The following C7orf57 variants were observed in gnomAD, a reference collection of about 807,000 sequenced individuals.
C7orf57 encodes the protein chromosome 7 open reading frame 57, also known as uncharacterized protein C7orf57.
Under a neutral mutation model 39.0 loss-of-function variants are expected in C7orf57, and 33 were observed. The observed-to-expected ratio is 0.85, with a 90% CI of 0.64 to 1.13. C7orf57 has a LOEUF of 1.13. Ranked by LOEUF, C7orf57 falls within the 50% of genes most tolerant of loss-of-function variation. C7orf57 has a pLI of 0.00. For synonymous variants in C7orf57, 124 were observed against 137.1 expected, an observed-to-expected ratio of 0.90 and a Z score of 0.67; for missense variants, 346 against 362.3, an observed-to-expected ratio of 0.95 and a Z score of 0.37.
intron 8 of C7orf57, among the ~76,000 whole-genome samples, chr7:48,054,851 T>C (rs1200746286): frequency 2.0e-5 from 3 of 151,210 alleles, no homozygotes; most frequent in Non-Finnish European, 4.4e-5. Context: ...ATGAAGATGA[T>C]GATGATGATG....
In C7orf57 at chr7:48,043,521, T is replaced by C; in HGVS notation, c.282T>C (p.Ser94=). ...KHFAPGTRKG[S]PVAYSLPDWY... ...TTGCCCCTGGAACCAGGAAAGGCTC[T>C]CCAGTGGCCTACTCCCTGCCAGACT... Residue 94 remains serine (S), a synonymous_variant, in exon 4 of 9, where the codon TCT becomes TCC. Transcript: ENST00000348904. 1 of 1,613,880 alleles carries C rather than the reference T, an allele frequency of 6.2e-7. No individual in the cohort carries two copies. The highest frequency in any genetic ancestry group is 8.5e-7 in the Non-Finnish European group (1 of 1,179,860).
In C7orf57 at chr7:48,041,497, C is replaced by A. The variant is rs777963522; in HGVS notation, c.219C>A (p.Leu73=). 3.1e-6 allele frequency: 5 copies of A among 1,609,960 alleles called. No individual in the cohort carries two copies. The African/African-American group carries it at 5.3e-5, about 17-fold the overall frequency. The change falls in exon 3 of 9, where the codon CTC becomes CTA. Residue 73 remains leucine (L), a synonymous_variant. Coordinates refer to ENST00000348904, the MANE Select transcript of C7orf57 (RefSeq NM_001100159.3). ...AAACAGATTCGGAATATGTGAAGCT[C>A]GCGAAACAAGGTGGCAGGCCCGGTG... ...IKETDSEYVK[L]AKQGGRPDLL...
chr7:48,038,383 T>TATAGATAG (rs67831054), intron 2 of C7orf57, among the ~76,000 whole-genome samples: 11,240 of 150,184 alleles, frequency 0.075, 475 homozygotes, highest in Non-Finnish European at 0.083. Context: ...TCTATATACA[T>TATAGATAG]ATAGATAGAT....
At chr7:48,058,870 A>G (rs954255912) in intron 8 of C7orf57, among the ~76,000 whole-genome samples, 11 of 152,254 alleles carry the variant, frequency 7.2e-5, no homozygotes, top group African/African-American at 2.7e-4. Context: ...TGGCATTCAT[A>G]TAAATGTATA....
intron 8 of C7orf57, among the ~76,000 whole-genome samples, chr7:48,059,805 A>G (rs1245993033): frequency 6.6e-6 from 1 of 152,218 alleles, no homozygotes; most frequent in African/African-American, 2.4e-5. Context: ...GAGGGTCAAC[A>G]TTAATGAAGA....
chr7:48,046,297 G>A (rs1790709672), intron 4 of C7orf57, among the ~76,000 whole-genome samples, 163 bp from the exon 5 acceptor site: 1 of 151,718 alleles, frequency 6.6e-6, no homozygotes. Context: ...AGGAGAGGGA[G>A]AGAGAGGGAG....
chr7:48,049,818 T>C, intron 5 of C7orf57, 62 bp from the exon 6 acceptor site: 3 of 1,317,518 alleles, frequency 2.3e-6, no homozygotes, highest in Non-Finnish European at 3.3e-6. Flanking sequence ...ATTAGTGAGT[T>C]TTCTTCTCTA....
chr7:48,041,391 C>T lies in C7orf57; in HGVS notation c.113C>T (p.Ala38Val), dbSNP rs749636603. 102 of 1,613,880 alleles carry T rather than the reference C, an allele frequency of 6.3e-5. No individual in the cohort carries two copies. Among genetic ancestry groups the T allele is most frequent in the South Asian group, 7.7e-5 (7 of 91,074 alleles). ...GAGAAGGCCGTGGATGCCCCACCAG[C>T]GTCCCAGATCCCAGGTCTCAGCAAT... ...RSEKAVDAPP[A>V]SQIPGLSNLG... Residue 38 changes from alanine (A) to valine (V), a missense_variant, in exon 3 of 9, where the codon GCG (alanine) becomes GTG (valine). Transcript: ENST00000348904.
intron 7 of C7orf57, 52 bp from the exon 8 acceptor site, chr7:48,054,543 A>C: frequency 6.9e-7 from 1 of 1,446,296 alleles, no homozygotes; most frequent in Non-Finnish European, 9.5e-7. Flanking sequence ...GACTTCTTTT[A>C]ATACTTGATC....
At position 48,061,207 on chromosome 7, in the gene C7orf57, T is replaced by C. The variant is rs1219403375; in HGVS notation, c.*935T>C. 1.3e-5 allele frequency: 2 copies of C among 152,202 alleles called. No individual in the cohort carries two copies. The highest frequency in any genetic ancestry group is 4.8e-5 in the African/African-American group (2 of 41,462). 9.4% of individuals were successfully genotyped at this position (152,202 alleles called of 1,614,324 possible). ...ATCGAGCATATATATTTATATTCAT[T>C]GATCAAACTGATATGCTACAGGAGA... On this transcript the variant is annotated 3_prime_UTR_variant, in exon 9 of 9. Coordinates refer to ENST00000348904, the MANE Select transcript of C7orf57 (RefSeq NM_001100159.3).
rs1464276433 is a variant in C7orf57, at chr7:48,046,404, G to A, written c.351-56G>A. ...AGCCAGCGATGGAGATGGAAGGAAG[G>A]GAGGGAGTGGAAATGGCTCTGAGCA... On this transcript the variant is annotated intron_variant, in intron 4 of 8. Transcript: ENST00000348904. 2.6e-6 allele frequency: 4 copies of A among 1,536,722 alleles called. No homozygotes were observed. The African/African-American group carries it at 4.1e-5, about 16-fold the overall frequency.
chr7:48,049,596 A>T, intron 5 of C7orf57, among the ~76,000 whole-genome samples: 1 of 152,128 alleles, frequency 6.6e-6, no homozygotes, highest in East Asian at 1.9e-4. Flanking sequence ...TGGGTGTGGG[A>T]AGTTCCTTCA....
chr7:48,054,860 TGATGATG>T (rs1791066164), intron 8 of C7orf57, among the ~76,000 whole-genome samples: 1 of 151,478 alleles, frequency 6.6e-6, no homozygotes, highest in East Asian at 1.9e-4. Flanking sequence ...ATGATGATGA[TGATGATG>T]ATTATTATTA....
chr7:48,041,573 GCGTTTGTTCC>G (rs754137323), intron 3 of C7orf57, 54 bp downstream of exon 3: 20 of 1,386,724 alleles, frequency 1.4e-5, no homozygotes, highest in Non-Finnish European at 1.5e-5. Context: ...GGTGAGGGGG[GCGTTTGTTCC>G]TAATTTCTTC....
At chr7:48,054,082 A>G (rs10254800) in intron 7 of C7orf57, among the ~76,000 whole-genome samples, 46,554 of 152,134 alleles carry the variant, frequency 0.31, 7,741 homozygotes, top group Middle Eastern at 0.54. Context: ...TTATCCTGGA[A>G]GATGAGATGG....
At chr7:48,048,792 CTT>C (rs1790790337) in intron 5 of C7orf57, among the ~76,000 whole-genome samples, 1 of 4,172 alleles carries the variant, frequency 2.4e-4, no homozygotes, top group East Asian at 2.4e-3. Flanking sequence ...CTTTATAGTT[CTT>C]CTGGACAGTG....
intron 8 of C7orf57, among the ~76,000 whole-genome samples, chr7:48,058,944 T>G (rs1791206561): frequency 6.6e-6 from 1 of 152,222 alleles, no homozygotes. Flanking sequence ...CTGTTCAATT[T>G]TGAAGAAACC....
chr7:48,057,606 A>G (rs760409538), intron 8 of C7orf57, among the ~76,000 whole-genome samples: 1 of 152,054 alleles, frequency 6.6e-6, no homozygotes, highest in Non-Finnish European at 1.5e-5. Flanking sequence ...AATGATTTCT[A>G]TTTATTTTTC....
At chr7:48,041,619 T>C in intron 3 of C7orf57, 100 bp downstream of exon 3, 1 of 1,032,466 alleles carries the variant, frequency 9.7e-7, no homozygotes, top group East Asian at 2.7e-5. Flanking sequence ...CTACAGAGTC[T>C]GTATGTTTAG....
Sources: gnomAD v4.1 joint callset for allele counts (sites outside exome capture counted in the v4.1 genomes callset) on GRCh38, gnomAD v4.1.1 for gene constraint, MANE v1.5 for transcripts, NCBI Gene and HGNC (gene_info 2026-07-23, HGNC 2026-07-21) for gene names.